CHCHD3: variants seen among roughly 807,000 people sequenced by gnomAD.
The protein encoded by CHCHD3 is MICOS complex subunit MIC19.
CHCHD3 carries 20 observed loss-of-function variants against 38.2 expected under a neutral mutation model. That is an observed-to-expected ratio of 0.52 (90% CI 0.37 to 0.76). CHCHD3 has a LOEUF of 0.76. CHCHD3 is among the 30% of genes least tolerant of loss of function. CHCHD3 has a pLI of 0.00. For missense variants in CHCHD3, 245 were observed against 279.2 expected (o/e 0.88, Z 0.87); for synonymous variants, 82 against 100.0 (o/e 0.82, Z 1.07).
intron 4 of CHCHD3, among the ~76,000 whole-genome samples, chr7:132,910,421 A>C (rs957927441): frequency 6.6e-6 from 1 of 152,168 alleles, no homozygotes. Context: ...GGTTTAACTA[A>C]ATGCATACTC....
intron 6 of CHCHD3, among the ~76,000 whole-genome samples, chr7:132,824,296 T>C (rs1319346207): frequency 1.3e-5 from 2 of 149,430 alleles, no homozygotes; most frequent in Non-Finnish European, 3.0e-5. Context: ...GAAAAAAATA[T>C]TCCCAAGTAG....
At chr7:132,825,497 A>G (rs1288691211) in intron 6 of CHCHD3, among the ~76,000 whole-genome samples, 1 of 152,268 alleles carries the variant, frequency 6.6e-6, no homozygotes, top group Admixed American at 6.5e-5. Flanking sequence ...TCAATTAACC[A>G]GGATGTCTTA....
chr7:132,916,495 TGA>T (rs200934058), intron 4 of CHCHD3, among the ~76,000 whole-genome samples: 367 of 67,308 alleles, frequency 5.5e-3, no homozygotes, highest in African/African-American at 0.013. Flanking sequence ...AGATATTGAG[TGA>T]GAGAGATGAT....
At chr7:132,936,831 A>T (rs1409320041) in intron 4 of CHCHD3, among the ~76,000 whole-genome samples, 4 of 152,240 alleles carry the variant, frequency 2.6e-5, no homozygotes, top group Non-Finnish European at 5.9e-5. Flanking sequence ...GCATCTCATC[A>T]ATAGCATGCT....
chr7:132,850,445 T>TTG (rs1197289787), intron 5 of CHCHD3, among the ~76,000 whole-genome samples: 1 of 103,862 alleles, frequency 9.6e-6, no homozygotes, highest in African/African-American at 3.6e-5. Flanking sequence ...CAGGTTTTTT[T>TTG]TTTTGTTTTT....
intron 4 of CHCHD3, among the ~76,000 whole-genome samples, chr7:132,915,173 C>T (rs981327943): frequency 2.0e-5 from 3 of 151,890 alleles, no homozygotes; most frequent in Admixed American, 1.3e-4. Context: ...AAAAAACACT[C>T]TGCAATCCTA....
chr7:132,865,985 C>T (rs1808615316), intron 5 of CHCHD3, among the ~76,000 whole-genome samples: 1 of 152,154 alleles, frequency 6.6e-6, no homozygotes. Context: ...CATATAGCCT[C>T]CAGTGGTATA....
chr7:133,045,775 G>A (rs1296898988), intron 2 of CHCHD3, among the ~76,000 whole-genome samples: 1 of 152,134 alleles, frequency 6.6e-6, no homozygotes, highest in African/African-American at 2.4e-5. Flanking sequence ...GATCATGGGA[G>A]CTGATTTCCC....
At chr7:133,052,333 T>C (rs988646864) in intron 2 of CHCHD3, among the ~76,000 whole-genome samples, 3 of 152,060 alleles carry the variant, frequency 2.0e-5, no homozygotes, top group African/African-American at 7.2e-5. Context: ...TAAAGTTTAG[T>C]GGAGGAGAGG....
At chr7:133,024,705 C>T (rs1813287152) in intron 2 of CHCHD3, 78 bp from the exon 3 acceptor site, 5 of 1,059,256 alleles carry the variant, frequency 4.7e-6, no homozygotes, top group Admixed American at 1.7e-5. Flanking sequence ...TCAGGAAAGC[C>T]CGGCTGAGAC....
chr7:132,921,916 T>A (rs1262484370), intron 4 of CHCHD3, among the ~76,000 whole-genome samples: 1 of 152,076 alleles, frequency 6.6e-6, no homozygotes, highest in Non-Finnish European at 1.5e-5. Context: ...TTACGCCACA[T>A]CTCTATTCAG....
intron 2 of CHCHD3, among the ~76,000 whole-genome samples, chr7:133,030,193 G>C (rs1415911990): frequency 6.6e-6 from 1 of 152,160 alleles, no homozygotes; most frequent in Non-Finnish European, 1.5e-5. Context: ...GTGAGGTAAT[G>C]GGTTCTGAGC....
intron 4 of CHCHD3, among the ~76,000 whole-genome samples, chr7:132,890,830 A>G (rs1458091983): frequency 6.6e-6 from 1 of 152,214 alleles, no homozygotes; most frequent in Non-Finnish European, 1.5e-5. Context: ...GCATACATAT[A>G]AAGAACTGAG....
chr7:132,957,743 G>A (rs1811218975), intron 4 of CHCHD3, among the ~76,000 whole-genome samples: 1 of 152,148 alleles, frequency 6.6e-6, no homozygotes, highest in Non-Finnish European at 1.5e-5. Flanking sequence ...GCCTCCCAAA[G>A]TGCTGGGATT....
intron 2 of CHCHD3, among the ~76,000 whole-genome samples, chr7:133,055,471 GTAAT>G (rs1000580015): frequency 2.6e-4 from 37 of 143,856 alleles, no homozygotes; most frequent in Non-Finnish European, 4.1e-4. Context: ...ATTATGTTAT[GTAAT>G]TAATTATAAT....
chr7:132,821,136 A>ATAT (rs1380428218), intron 6 of CHCHD3, among the ~76,000 whole-genome samples: 2 of 152,214 alleles, frequency 1.3e-5, no homozygotes, highest in African/African-American at 4.8e-5. Flanking sequence ...AGGGAAATAT[A>ATAT]TATTAGATCA....
intron 4 of CHCHD3, among the ~76,000 whole-genome samples, chr7:132,925,163 G>C (rs1319466929): frequency 6.6e-6 from 1 of 151,968 alleles, no homozygotes; most frequent in African/African-American, 2.4e-5. Context: ...ACCAATAATG[G>C]AGTAGGAATG....
At chr7:132,906,589 C>T (rs1487706191) in intron 4 of CHCHD3, among the ~76,000 whole-genome samples, 1 of 152,110 alleles carries the variant, frequency 6.6e-6, no homozygotes, top group Non-Finnish European at 1.5e-5. Context: ...CTGGTTTTAG[C>T]GCTGAAGGAA....
intron 1 of CHCHD3, among the ~76,000 whole-genome samples, chr7:133,077,829 T>C (rs1815046898): frequency 6.6e-6 from 1 of 151,994 alleles, no homozygotes; most frequent in African/African-American, 2.4e-5. Flanking sequence ...GGTGTAAAAA[T>C]ATAGGTTACT....
Sources: gnomAD v4.1 joint callset for allele counts (sites outside exome capture counted in the v4.1 genomes callset) on GRCh38, gnomAD v4.1.1 for gene constraint, MANE v1.5 for transcripts, NCBI Gene and HGNC (gene_info 2026-07-23, HGNC 2026-07-21) for gene names.